The following DLG5 variants were observed in gnomAD, a reference collection of about 807,000 sequenced individuals.
DLG5 encodes the protein disks large homolog 5.
Under a neutral mutation model 189.8 loss-of-function variants are expected in DLG5, and 48 were observed. That is an observed-to-expected ratio of 0.25 (90% CI 0.20 to 0.32). DLG5 has a LOEUF of 0.32. Ranked by LOEUF, DLG5 falls within the 10% of genes least tolerant of loss-of-function variation. The pLI is 1.00. For missense variants in DLG5, 2,160 were observed against 2,544.7 expected (o/e 0.85, Z 3.25); for synonymous variants, 1,016 against 1,054.1 (o/e 0.96, Z 0.70).
intron 1 of DLG5, among the ~76,000 whole-genome samples, chr10:77,916,988 G>A (rs1467817368): frequency 6.7e-6 from 1 of 149,270 alleles, no homozygotes; most frequent in Non-Finnish European, 1.5e-5. Flanking sequence ...GAACCTTGAG[G>A]ACTTTATGCT....
chr10:77,885,059 C>G (rs561649794), intron 1 of DLG5, among the ~76,000 whole-genome samples: 3 of 152,146 alleles, frequency 2.0e-5, no homozygotes, highest in African/African-American at 7.2e-5. Context: ...GTACTATACA[C>G]TCAGGCTGTC....
chr10:77,859,825 C>T (rs1268870020), intron 2 of DLG5, among the ~76,000 whole-genome samples: 1 of 152,196 alleles, frequency 6.6e-6, no homozygotes, highest in Non-Finnish European at 1.5e-5. Flanking sequence ...TATTCTTTGG[C>T]GGTGAGGCCA....
chr10:77,911,687 T>C (rs1846225405), intron 1 of DLG5, among the ~76,000 whole-genome samples: 1 of 152,046 alleles, frequency 6.6e-6, no homozygotes, highest in African/African-American at 2.4e-5. Context: ...ATAAAAATCC[T>C]GTTGGCAGGG....
At chr10:77,831,020 C>G (rs1842873463) in intron 9 of DLG5, 147 bp from the exon 10 acceptor site, 1 of 988,534 alleles carries the variant, frequency 1.0e-6, no homozygotes, top group African/African-American at 1.6e-5. Flanking sequence ...AGAGTCAGGT[C>G]AAGGCTGCTG....
intron 1 of DLG5, among the ~76,000 whole-genome samples, chr10:77,917,186 C>CA (rs1846384648): frequency 6.6e-6 from 1 of 151,584 alleles, no homozygotes; most frequent in Non-Finnish European, 1.5e-5. Flanking sequence ...AATACAAAAA[C>CA]AAAAAATCAG....
intron 31 of DLG5, 113 bp from the exon 32 acceptor site, chr10:77,792,656 T>A: frequency 1.1e-6 from 1 of 951,194 alleles, no homozygotes; most frequent in Non-Finnish European, 1.7e-6. Flanking sequence ...TTTGTGCTCC[T>A]TGGCACTCTG....
At chr10:77,916,689 G>A (rs1846367046) in intron 1 of DLG5, among the ~76,000 whole-genome samples, 1 of 151,950 alleles carries the variant, frequency 6.6e-6, no homozygotes, top group Non-Finnish European at 1.5e-5. Context: ...AAAACTCAGA[G>A]TAAACAGTAT....
chr10:77,835,742 T>C lies in DLG5; in HGVS notation c.1618A>G (p.Ile540Val), dbSNP rs915870434. The change falls in exon 8 of 32, where the codon ATC becomes GTC. Residue 540 changes from isoleucine (I) to valine (V), a missense_variant. Transcript: ENST00000372391. ...RDKIVAERDS[I>V]RTLCDNLRRE... ...CAGCTTGAGGTCACCCCATACCGGA[T>C]GCTGTCACGCTCTGCTACAATCTTG... 6 of 1,610,254 alleles carry C rather than the reference T, an allele frequency of 3.7e-6. No homozygotes were observed. In the South Asian group the frequency reaches 6.6e-5, roughly 18 times the overall value.
At chr10:77,815,762 T>C (rs1327103577) in intron 20 of DLG5, among the ~76,000 whole-genome samples, 2 of 152,244 alleles carry the variant, frequency 1.3e-5, no homozygotes, top group Non-Finnish European at 2.9e-5. Context: ...AGTATCTGTG[T>C]TTCTTTTGGT....
chr10:77,895,367 C>T (rs961051622), intron 1 of DLG5, among the ~76,000 whole-genome samples: 2 of 152,162 alleles, frequency 1.3e-5, no homozygotes, highest in Non-Finnish European at 2.9e-5. Context: ...CCAGTGACCC[C>T]ACATCAAAAG....
chr10:77,795,056 T>G, intron 29 of DLG5, 98 bp from the exon 30 acceptor site: 4 of 894,318 alleles, frequency 4.5e-6, no homozygotes, highest in Non-Finnish European at 7.0e-6. Context: ...CACAGGGCTC[T>G]ACCCACAAAC....
At chr10:77,825,150 C>T (rs141866702) in intron 13 of DLG5, among the ~76,000 whole-genome samples, 146 of 152,244 alleles carry the variant, frequency 9.6e-4, no homozygotes, top group African/African-American at 3.2e-3. Context: ...AACAGCCCAG[C>T]TCCAAAGGTC....
intron 13 of DLG5, 142 bp from the exon 14 acceptor site, chr10:77,824,618 G>A: frequency 1.6e-6 from 1 of 643,988 alleles, no homozygotes; most frequent in Non-Finnish European, 2.7e-6. Context: ...AAGGATAGAG[G>A]TCTTTCTGGT....
intron 14 of DLG5, among the ~76,000 whole-genome samples, chr10:77,823,351 G>A (rs1842459495): frequency 6.6e-6 from 1 of 152,214 alleles, no homozygotes; most frequent in African/African-American, 2.4e-5. Context: ...TCTAAATTCG[G>A]CCTATTTTTT....
intron 27 of DLG5, among the ~76,000 whole-genome samples, chr10:77,802,515 A>G (rs1314897634): frequency 6.6e-6 from 1 of 152,250 alleles, no homozygotes; most frequent in African/African-American, 2.4e-5. Flanking sequence ...ATGGAAATGT[A>G]AAAGGCAAAA....
intron 27 of DLG5, among the ~76,000 whole-genome samples, chr10:77,804,208 G>A (rs2999166): frequency 0.26 from 40,074 of 152,096 alleles, 5,792 homozygotes; most frequent in Admixed American, 0.4. Flanking sequence ...TTTTCTATAA[G>A]GGGCAAGATA....
chr10:77,846,823 A>C, intron 5 of DLG5: 1 of 423,794 alleles, frequency 2.4e-6, no homozygotes, highest in East Asian at 7.5e-5. Flanking sequence ...TGAGTTCCCC[A>C]CAAGGTGGCA....
chr10:77,924,427 T>G (rs897129816), intron 1 of DLG5, among the ~76,000 whole-genome samples: 5 of 152,190 alleles, frequency 3.3e-5, no homozygotes, highest in African/African-American at 4.8e-5. Context: ...TAATGGCAAT[T>G]GATCCATCAA....
At chr10:77,937,978 G>C in the DLG5 span, among the ~76,000 whole-genome samples, 8 of 146,246 alleles carry the variant, frequency 5.5e-5, no homozygotes, top group Admixed American at 3.5e-4. Flanking sequence ...TCAGCCTCCC[G>C]AAGTGCTGGG....
Sources: gnomAD v4.1 joint callset for allele counts (sites outside exome capture counted in the v4.1 genomes callset) on GRCh38, gnomAD v4.1.1 for gene constraint, MANE v1.5 for transcripts, NCBI Gene and HGNC (gene_info 2026-07-23, HGNC 2026-07-21) for gene names.